Variants in SGCZ observed in about 807,000 individuals in gnomAD.
SGCZ encodes the protein sarcoglycan zeta.
In SGCZ, 40 loss-of-function variants were observed where a neutral mutation model predicts 41.3. That is an observed-to-expected ratio of 0.97 (90% CI 0.75 to 1.26). The LOEUF (loss-of-function observed/expected upper bound fraction) is 1.26. SGCZ is among the 50% of genes most tolerant of loss of function. SGCZ has a pLI of 0.00. For missense variants in SGCZ, 552 were observed against 369.8 expected, an observed-to-expected ratio of 1.49 and a Z score of -4.04; for synonymous variants, 206 against 137.5, an observed-to-expected ratio of 1.50 and a Z score of -3.49.
chr8:15,066,592 A>G (rs1585529193), intron 1 of SGCZ, among the ~76,000 whole-genome samples: 1 of 152,280 alleles, frequency 6.6e-6, no homozygotes, highest in Non-Finnish European at 1.5e-5. Context: ...CTCCTGACAT[A>G]CTAACATTTT....
intron 1 of SGCZ, among the ~76,000 whole-genome samples, chr8:14,946,385 C>G (rs946650456): frequency 6.6e-6 from 1 of 151,812 alleles, no homozygotes; most frequent in African/African-American, 2.4e-5. Flanking sequence ...CTCCGCAGTC[C>G]CAAACTTTGC....
intron 1 of SGCZ, among the ~76,000 whole-genome samples, chr8:14,782,849 A>G (rs1435282344): frequency 6.6e-6 from 1 of 152,240 alleles, no homozygotes; most frequent in East Asian, 1.9e-4. Context: ...TATGCCATTA[A>G]TCAAATCATG....
intron 1 of SGCZ, among the ~76,000 whole-genome samples, chr8:15,212,326 T>C (rs894684324): frequency 1.3e-5 from 2 of 152,242 alleles, no homozygotes; most frequent in Non-Finnish European, 2.9e-5. Context: ...GAAAATCCTT[T>C]TGAAGCCACA....
At chr8:14,250,467 C>T (rs566884739) in intron 3 of SGCZ, among the ~76,000 whole-genome samples, 4 of 152,164 alleles carry the variant, frequency 2.6e-5, no homozygotes, top group African/African-American at 9.6e-5. Context: ...ATGTTATAAT[C>T]AGCAGAATGT....
At chr8:14,467,115 G>A (rs993844478) in intron 2 of SGCZ, among the ~76,000 whole-genome samples, 3 of 151,608 alleles carry the variant, frequency 2.0e-5, no homozygotes, top group Admixed American at 6.6e-5. Context: ...TAGTGAATTA[G>A]TCTTGAGGTG....
intron 1 of SGCZ, among the ~76,000 whole-genome samples, chr8:15,085,799 T>G (rs1805926899): frequency 6.6e-6 from 1 of 152,140 alleles, no homozygotes; most frequent in Non-Finnish European, 1.5e-5. Context: ...TGTCTACATT[T>G]TGCCAAGTCA....
intron 1 of SGCZ, among the ~76,000 whole-genome samples, chr8:15,082,405 TAC>T (rs1462045026): frequency 6.8e-6 from 1 of 147,620 alleles, no homozygotes; most frequent in Non-Finnish European, 1.5e-5. Flanking sequence ...TACACACATA[TAC>T]ACACACACAT....
chr8:14,833,799 T>C (rs1322000939), intron 1 of SGCZ, among the ~76,000 whole-genome samples: 1 of 147,178 alleles, frequency 6.8e-6, no homozygotes, highest in Non-Finnish European at 1.5e-5. Flanking sequence ...AAAGAAGAAA[T>C]TATGGAGCTA....
intron 1 of SGCZ, among the ~76,000 whole-genome samples, chr8:14,858,456 GT>G (rs1803615089): frequency 6.6e-6 from 1 of 152,048 alleles, no homozygotes; most frequent in South Asian, 2.1e-4. Context: ...GCAGTGTGTT[GT>G]TTTAGTTGAA....
intron 2 of SGCZ, among the ~76,000 whole-genome samples, chr8:14,497,526 C>A (rs1247255480): frequency 6.6e-6 from 1 of 151,798 alleles, no homozygotes; most frequent in Non-Finnish European, 1.5e-5. Flanking sequence ...AATTTGTAAG[C>A]TTTCTTAAAA....
chr8:15,002,627 G>A (rs567153617), intron 1 of SGCZ, among the ~76,000 whole-genome samples: 11 of 152,202 alleles, frequency 7.2e-5, no homozygotes, highest in Non-Finnish European at 1.6e-4. Context: ...TCATAAGGGT[G>A]TGAGTGCTCA....
intron 1 of SGCZ, among the ~76,000 whole-genome samples, chr8:14,653,784 T>C (rs896045714): frequency 1.3e-5 from 2 of 151,956 alleles, no homozygotes; most frequent in Non-Finnish European, 2.9e-5. Flanking sequence ...TATCCAAAGT[T>C]AGCAAAATGA....
At chr8:14,286,435 G>A (rs1318891734) in intron 3 of SGCZ, among the ~76,000 whole-genome samples, 1 of 149,324 alleles carries the variant, frequency 6.7e-6, no homozygotes, top group Non-Finnish European at 1.5e-5. Flanking sequence ...TAACTCAGCT[G>A]GGACAAAGAA....
At chr8:14,643,060 T>C (rs1006871604) in intron 1 of SGCZ, among the ~76,000 whole-genome samples, 3 of 151,728 alleles carry the variant, frequency 2.0e-5, no homozygotes, top group Admixed American at 6.6e-5. Flanking sequence ...AAATGTGCTA[T>C]ACTATTGCTT....
intron 3 of SGCZ, among the ~76,000 whole-genome samples, chr8:14,298,151 T>G (rs1801075943): frequency 6.6e-6 from 1 of 151,894 alleles, no homozygotes; most frequent in Non-Finnish European, 1.5e-5. Flanking sequence ...TTGACAAAAT[T>G]TAAAACACAT....
At chr8:14,111,138 A>G (rs1036929909) in intron 5 of SGCZ, among the ~76,000 whole-genome samples, 6 of 152,158 alleles carry the variant, frequency 3.9e-5, no homozygotes, top group African/African-American at 1.4e-4. Flanking sequence ...GTAGATTACT[A>G]GTAGGGTTGT....
intron 1 of SGCZ, among the ~76,000 whole-genome samples, chr8:15,138,008 G>A (rs1358250818): frequency 6.6e-6 from 1 of 152,158 alleles, no homozygotes; most frequent in South Asian, 2.1e-4. Flanking sequence ...CCCGGAGGGG[G>A]ACTGTACCCT....
At chr8:14,803,969 A>G (rs533373911) in intron 1 of SGCZ, among the ~76,000 whole-genome samples, 1 of 121,624 alleles carries the variant, frequency 8.2e-6, no homozygotes, top group Admixed American at 8.6e-5. Flanking sequence ...GCATGGGCAC[A>G]CTGACACCTC....
intron 1 of SGCZ, among the ~76,000 whole-genome samples, chr8:14,830,305 A>G (rs1802482358): frequency 6.6e-6 from 1 of 151,978 alleles, no homozygotes; most frequent in South Asian, 2.1e-4. Context: ...TATTATATGT[A>G]ACTTATATTT....
Sources: gnomAD v4.1 joint callset for allele counts (sites outside exome capture counted in the v4.1 genomes callset) on GRCh38, gnomAD v4.1.1 for gene constraint, MANE v1.5 for transcripts, NCBI Gene and HGNC (gene_info 2026-07-23, HGNC 2026-07-21) for gene names.